The following ARPIN variants were observed in gnomAD, a reference collection of about 807,000 sequenced individuals.
ARPIN encodes UPF0552 protein C15orf38.
Under a neutral mutation model 25.9 loss-of-function variants are expected in ARPIN, and 23 were observed. The observed-to-expected ratio is 0.89, with a 90% CI of 0.64 to 1.26. The LOEUF is 1.26. Ranked by LOEUF, ARPIN falls within the 50% of genes most tolerant of loss-of-function variation. The probability of loss-of-function intolerance (pLI) is 0.00; values close to 1 mark genes in which losing one functional copy is unlikely to be tolerated. For missense variants in ARPIN, 333 were observed against 312.2 expected (o/e 1.07, Z -0.50); for synonymous variants, 126 against 131.4 (o/e 0.96, Z 0.28).
chr15:89,909,570 T>C (rs1048716048), intron 2 of ARPIN, among the ~76,000 whole-genome samples: 16 of 152,292 alleles, frequency 1.1e-4, no homozygotes, highest in African/African-American at 3.6e-4. Context: ...TGGATTTTAT[T>C]TGATGGACAA....
At position 89,912,776 on chromosome 15, in the gene ARPIN, C is replaced by T. The variant is rs1161860370; in HGVS notation, c.60G>A (p.Leu20=). ...LRNKAVQSVR[L]PGAWDPAAHQ... is the part of the protein sequence containing the mutation. ...GGGCGGCGGGGTCCCAGGCCCCTGG[C>T]AGCCGGACGCTCTGCACCGCCTTGT... is the stretch of plus-strand genomic sequence containing the variant. The change falls in exon 1 of 6, where the codon CTG becomes CTA. Residue 20 remains leucine, a synonymous_variant. Coordinates refer to ENST00000357484, the MANE Select transcript of ARPIN (RefSeq NM_182616.4). 1.3e-6 allele frequency: 2 copies of T among 1,507,988 alleles called. No individual in the cohort carries two copies. The highest frequency in any genetic ancestry group is 2.8e-5 in the East Asian group (1 of 35,878). 93.4% of individuals were successfully genotyped at this position (1,507,988 alleles called of 1,614,324 possible).
At chr15:89,912,165 A>G (rs1897236174) in intron 1 of ARPIN, 1 of 976,374 alleles carries the variant, frequency 1.0e-6, no homozygotes, top group Non-Finnish European at 1.2e-6. Flanking sequence ...GGTTCCATAT[A>G]CGAGATCACA....
At chr15:89,901,855 G>C in intron 5 of ARPIN, 52 bp from the exon 6 acceptor site, 1 of 1,599,954 alleles carries the variant, frequency 6.3e-7, no homozygotes, top group Non-Finnish European at 8.6e-7. Context: ...TGTCATAAAC[G>C]TCACTGCAAG....
chr15:89,896,205 TAAATA>T lies in ARPIN; in HGVS notation c.*5585_*5589del, dbSNP rs1397036998. ...CGCCCGGCATGGCCCAGTTTTTAAATAAATAAAAACCAAAAGTCAGTTGCACTGAA... is the reference window on the plus strand; with the variant it reads ...CGCCCGGCATGGCCCAGTTTTTAAATAAAACCAAAAGTCAGTTGCACTGAA... On this transcript the variant is annotated 3_prime_UTR_variant, in exon 6 of 6. Coordinates refer to ENST00000357484, the MANE Select transcript of ARPIN (RefSeq NM_182616.4). The T allele has an allele frequency of 6.6e-6, 1 of 152,088 alleles. No individual in the cohort carries two copies. Among genetic ancestry groups the T allele is most frequent in the Non-Finnish European group, 1.5e-5 (1 of 68,000 alleles). The allele number at this position is 152,088 out of a possible 1,614,324, so 9.4% of individuals were successfully genotyped here.
rs556841557 is a variant in ARPIN at position 89,897,962 on chromosome 15, G to A, written c.*3833C>T. 3 of 152,186 alleles carry A rather than the reference G, an allele frequency of 2.0e-5. No homozygotes were observed. Among genetic ancestry groups the A allele is most frequent in the African/African-American group, 7.2e-5 (3 of 41,508 alleles). 9.4% of individuals were successfully genotyped at this position (152,186 alleles called of 1,614,324 possible). A position where few individuals can be genotyped will look rare whatever the true frequency, so the allele number is the denominator to read the frequency against. On this transcript the variant is annotated 3_prime_UTR_variant, in exon 6 of 6. Coordinates refer to ENST00000357484, the MANE Select transcript of ARPIN (RefSeq NM_182616.4). ...AAAAGTACAAAATTAGCTAGTCGTG[G>A]TGGCGCAGGCCTGTAATCCCAGCTA...
chr15:89,911,268 C>T (rs1168847655), intron 1 of ARPIN, among the ~76,000 whole-genome samples: 1 of 152,208 alleles, frequency 6.6e-6, no homozygotes, highest in Non-Finnish European at 1.5e-5. Context: ...TCCCTTTCCA[C>T]CTGTTTTTAA....
intron 3 of ARPIN, among the ~76,000 whole-genome samples, chr15:89,905,432 C>T (rs988977974): frequency 4.6e-5 from 7 of 152,090 alleles, no homozygotes; most frequent in African/African-American, 1.7e-4. Flanking sequence ...TGCAGATAGA[C>T]CCCTTCCCCC....
At chr15:89,904,457 A>G (rs536398680) in intron 3 of ARPIN, among the ~76,000 whole-genome samples, 1 of 152,208 alleles carries the variant, frequency 6.6e-6, no homozygotes, top group South Asian at 2.1e-4. Flanking sequence ...GCACCCCAAC[A>G]CATTCCATCT....
chr15:89,896,962 G>A lies in ARPIN; in HGVS notation c.*4833C>T, dbSNP rs1163354867. ...AACAACCCTTTTGGGAAGCAATTTG[G>A]CAATATAACAAGAACTTTGCAAAAG... On this transcript the variant is annotated 3_prime_UTR_variant, in exon 6 of 6. Transcript: ENST00000357484. The A allele has an allele frequency of 6.6e-6, 1 of 152,156 alleles. No homozygotes were observed. The highest frequency in any genetic ancestry group is 1.5e-5 in the Non-Finnish European group (1 of 68,020). The allele number at this position is 152,156 out of a possible 1,614,324, so 9.4% of individuals were successfully genotyped here. A position where few individuals can be genotyped will look rare whatever the true frequency, so the allele number is the denominator to read the frequency against.
chr15:89,907,079 T>TACTA (rs1567196251), intron 3 of ARPIN, among the ~76,000 whole-genome samples: 1 of 150,576 alleles, frequency 6.6e-6, no homozygotes, highest in Non-Finnish European at 1.5e-5. Context: ...TTATTACTAT[T>TACTA]TTTTTTTGAA....
intron 3 of ARPIN, among the ~76,000 whole-genome samples, chr15:89,904,642 G>C (rs747676913): frequency 1.2e-4 from 18 of 152,124 alleles, no homozygotes; most frequent in Admixed American, 2.6e-4. Context: ...TTAGGGAAGG[G>C]GCACTCCCGG....
intron 3 of ARPIN, among the ~76,000 whole-genome samples, chr15:89,906,991 T>G (rs1421685877): frequency 6.6e-6 from 1 of 151,592 alleles, no homozygotes; most frequent in Non-Finnish European, 1.5e-5. Flanking sequence ...AAAGTCAAAC[T>G]CAGCTGCCTT....
chr15:89,905,024 C>CT (rs34676869), intron 3 of ARPIN, among the ~76,000 whole-genome samples: 31 of 139,294 alleles, frequency 2.2e-4, no homozygotes, highest in East Asian at 4.3e-4. Context: ...CCTGTCAACC[C>CT]TTTTTTTTTT....
At chr15:89,909,852 G>T (rs919052660) in intron 2 of ARPIN, among the ~76,000 whole-genome samples, 4 of 152,314 alleles carry the variant, frequency 2.6e-5, no homozygotes, top group Admixed American at 6.5e-5. Context: ...GACAGTGAGG[G>T]TTCCCAGCCC....
intron 5 of ARPIN, among the ~76,000 whole-genome samples, chr15:89,902,634 T>A (rs147500846): frequency 9.9e-4 from 150 of 151,254 alleles, no homozygotes; most frequent in African/African-American, 3.4e-3. Context: ...AGCCCAGGAG[T>A]TCGAGGCTGC....
chr15:89,909,930 CT>C, intron 2 of ARPIN, among the ~76,000 whole-genome samples: 1 of 152,240 alleles, frequency 6.6e-6, no homozygotes, highest in South Asian at 2.1e-4. Flanking sequence ...TTAAGAGGGG[CT>C]AGGAGAAGGC....
At chr15:89,912,663 T>TTTGGGGC in intron 1 of ARPIN, 81 bp downstream of exon 1, 1 of 871,104 alleles carries the variant, frequency 1.1e-6, no homozygotes. Context: ...CCCACCCGCA[T>TTTGGGGC]CCCACCCCCC....
chr15:89,912,332 GC>G (rs1567198033), intron 1 of ARPIN: 1 of 1,004,350 alleles, frequency 1.0e-6, no homozygotes, highest in Non-Finnish European at 1.2e-6. Context: ...GGACCAGCCC[GC>G]CCGCTGTTCC....
intron 1 of ARPIN, among the ~76,000 whole-genome samples, chr15:89,911,218 C>G (rs918706997): frequency 6.6e-6 from 1 of 152,204 alleles, no homozygotes; most frequent in Non-Finnish European, 1.5e-5. Context: ...TTTATTGGTC[C>G]AAATGTGAGG....
Sources: gnomAD v4.1 joint callset for allele counts (sites outside exome capture counted in the v4.1 genomes callset) on GRCh38, gnomAD v4.1.1 for gene constraint, MANE v1.5 for transcripts, NCBI Gene and HGNC (gene_info 2026-07-23, HGNC 2026-07-21) for gene names.